The following LRRC4C variants were observed in gnomAD, a reference collection of about 807,000 sequenced individuals.
The protein encoded by LRRC4C is leucine-rich repeat-containing protein 4C.
LRRC4C carries 5 observed loss-of-function variants against 33.6 expected under a neutral mutation model. The ratio of observed to expected loss-of-function variants is 0.15; its 90% CI spans 0.08 to 0.31. The LOEUF is 0.31. LRRC4C is among the 10% of genes least tolerant of loss of function. The pLI is 1.00. For synonymous variants in LRRC4C, 329 were observed against 302.0 expected (o/e 1.09, Z -0.93); for missense variants, 560 against 796.7 (o/e 0.70, Z 3.58).
intron 2 of LRRC4C, among the ~76,000 whole-genome samples, chr11:40,807,092 G>T (rs1951285342): frequency 6.6e-6 from 1 of 152,080 alleles, no homozygotes; most frequent in Non-Finnish European, 1.5e-5. Context: ...GGATATGGTT[G>T]TTTTCAAAAT....
intron 2 of LRRC4C, among the ~76,000 whole-genome samples, chr11:40,842,009 C>T (rs984559962): frequency 7.9e-5 from 12 of 152,182 alleles, no homozygotes; most frequent in Non-Finnish European, 1.3e-4. Flanking sequence ...TGAATATATG[C>T]TGTTGTCAAG....
intron 3 of LRRC4C, among the ~76,000 whole-genome samples, chr11:40,604,913 CTT>C (rs1478503769): frequency 6.6e-6 from 1 of 152,078 alleles, no homozygotes; most frequent in African/African-American, 2.4e-5. Context: ...CACAAAGTCC[CTT>C]TTCCTTAATT....
At chr11:40,192,033 T>C (rs1305551266) in intron 5 of LRRC4C, among the ~76,000 whole-genome samples, 1 of 152,198 alleles carries the variant, frequency 6.6e-6, no homozygotes, top group Non-Finnish European at 1.5e-5. Flanking sequence ...ATATGAGTTA[T>C]GATAACATTA....
intron 3 of LRRC4C, among the ~76,000 whole-genome samples, chr11:40,447,743 C>G (rs866536511): frequency 7.9e-5 from 12 of 152,238 alleles, no homozygotes; most frequent in African/African-American, 2.6e-4. Context: ...AGGAAGTGGA[C>G]CCATCTCAGT....
At chr11:40,873,375 C>T (rs948933927) in intron 2 of LRRC4C, among the ~76,000 whole-genome samples, 4 of 152,096 alleles carry the variant, frequency 2.6e-5, no homozygotes, top group African/African-American at 9.7e-5. Flanking sequence ...TCAGAAACTG[C>T]CACACCACCA....
In LRRC4C at chr11:40,579,911, C is replaced by T. The variant is rs188285065; in HGVS notation, c.-270+68231G>A. ...AGAACCCTCACTTCTGTTCCTTTTA[C>T]TTTCTGTCTCACATTCATGTCAATC... On this transcript the variant is annotated intron_variant, in intron 3 of 6. Transcript: ENST00000528697. Among the ~76,000 whole-genome samples, 40 of 152,310 alleles carry T rather than the reference C, an allele frequency of 2.6e-4. 1 individual carries two copies. The East Asian group carries it at 7.7e-3, about 29-fold the overall frequency.
chr11:40,266,040 G>A (rs1942232411), intron 4 of LRRC4C, among the ~76,000 whole-genome samples: 1 of 152,216 alleles, frequency 6.6e-6, no homozygotes, highest in East Asian at 1.9e-4. Flanking sequence ...GCTCATGCCT[G>A]TAATTCCAGC....
chr11:40,691,147 C>CA (rs895208609), intron 2 of LRRC4C, among the ~76,000 whole-genome samples: 1 of 151,452 alleles, frequency 6.6e-6, no homozygotes, highest in Non-Finnish European at 1.5e-5. Flanking sequence ...TTTATAAACA[C>CA]AAAAAAAGCA....
chr11:41,279,246 A>G (rs1457790416), intron 1 of LRRC4C, among the ~76,000 whole-genome samples: 3 of 152,074 alleles, frequency 2.0e-5, no homozygotes, highest in African/African-American at 4.8e-5. Flanking sequence ...TGTTTGCTAT[A>G]GTGACTAGTG....
chr11:40,742,682 C>T (rs551682869), intron 2 of LRRC4C, among the ~76,000 whole-genome samples: 2 of 152,022 alleles, frequency 1.3e-5, no homozygotes, highest in East Asian at 3.9e-4. Context: ...TTTATCTATT[C>T]ATTTCATATT....
chr11:40,480,471 G>T (rs1488052428), intron 3 of LRRC4C, among the ~76,000 whole-genome samples: 1 of 151,964 alleles, frequency 6.6e-6, no homozygotes, highest in Non-Finnish European at 1.5e-5. Flanking sequence ...TAACACCAGG[G>T]CATACTTGAA....
At chr11:40,173,368 T>C (rs2135450177) in intron 5 of LRRC4C, among the ~76,000 whole-genome samples, 1 of 152,348 alleles carries the variant, frequency 6.6e-6, no homozygotes, top group East Asian at 1.9e-4. Context: ...CCTGCATGTC[T>C]GGTTGTATGC....
At chr11:40,298,968 G>A (rs1944644235) in intron 4 of LRRC4C, among the ~76,000 whole-genome samples, 2 of 152,098 alleles carry the variant, frequency 1.3e-5, no homozygotes, top group Non-Finnish European at 2.9e-5. Context: ...TTACAATTTG[G>A]ATTACAATTC....
intron 3 of LRRC4C, among the ~76,000 whole-genome samples, chr11:40,390,996 C>T (rs1301881805): frequency 1.3e-5 from 2 of 152,084 alleles, no homozygotes; most frequent in African/African-American, 2.4e-5. Context: ...ATTGTGGTGC[C>T]TCAGCCTCCG....
In LRRC4C at chr11:40,359,114, G is replaced by A. The variant is rs552189081; in HGVS notation, c.-269-39393C>T. Among the ~76,000 whole-genome samples, 28 of 152,236 alleles carry A rather than the reference G, an allele frequency of 1.8e-4. No individual in the cohort carries two copies. The East Asian group carries it at 5.2e-3, about 28-fold the overall frequency. ...GTGTTTCTCCCTTATGTAATGTGTC[G>A]GGTATGTTTAAGCAAAGGTGTTGGC... is the stretch of plus-strand genomic sequence containing the variant. On this transcript the variant is annotated intron_variant, in intron 3 of 6. Coordinates refer to ENST00000528697, the MANE Select transcript of LRRC4C (RefSeq NM_001258419.2).
intron 2 of LRRC4C, among the ~76,000 whole-genome samples, chr11:40,865,266 A>G (rs1023559026): frequency 1.3e-5 from 2 of 152,216 alleles, no homozygotes; most frequent in East Asian, 1.9e-4. Context: ...GGTTATGATA[A>G]TGGTTACTAG....
intron 3 of LRRC4C, among the ~76,000 whole-genome samples, chr11:40,527,199 G>T (rs916969256): frequency 6.6e-6 from 1 of 152,068 alleles, no homozygotes; most frequent in Non-Finnish European, 1.5e-5. Flanking sequence ...TGGGAGCACG[G>T]ACAAAGAGTA....
At chr11:40,684,994 A>C (rs1479456852) in intron 2 of LRRC4C, among the ~76,000 whole-genome samples, 1 of 151,974 alleles carries the variant, frequency 6.6e-6, no homozygotes, top group Non-Finnish European at 1.5e-5. Context: ...TACACTCATT[A>C]GAAAAATATG....
chr11:40,871,793 A>G (rs1293238215), intron 2 of LRRC4C, among the ~76,000 whole-genome samples: 1 of 151,998 alleles, frequency 6.6e-6, no homozygotes, highest in African/African-American at 2.4e-5. Context: ...TTCCTCTCTT[A>G]TCCTTCTTTA....
Sources: gnomAD v4.1 joint callset for allele counts (sites outside exome capture counted in the v4.1 genomes callset) on GRCh38, gnomAD v4.1.1 for gene constraint, MANE v1.5 for transcripts, NCBI Gene and HGNC (gene_info 2026-07-23, HGNC 2026-07-21) for gene names.